TFRC: variants seen among roughly 807,000 people sequenced by gnomAD.
TFRC encodes transferrin receptor, also known as transferrin receptor protein 1.
TFRC carries 35 observed loss-of-function variants against 85.8 expected under a neutral mutation model. The observed-to-expected ratio is 0.41, with a 90% CI of 0.31 to 0.54. The LOEUF is 0.54. Among genes scored for constraint, TFRC ranks in the 20% least tolerant of loss-of-function variants. The probability of loss-of-function intolerance (pLI) is 0.31; values close to 1 mark genes in which losing one functional copy is unlikely to be tolerated. For synonymous variants in TFRC, 362 were observed against 328.6 expected (o/e 1.10, Z -1.10); for missense variants, 828 against 921.5 (o/e 0.90, Z 1.31).
chr3:196,057,739 C>T (rs1281510198), intron 16 of TFRC, among the ~76,000 whole-genome samples: 1 of 149,636 alleles, frequency 6.7e-6, no homozygotes, highest in Non-Finnish European at 1.5e-5. Flanking sequence ...CATGATCGGG[C>T]CACTGCACCC....
intron 9 of TFRC, among the ~76,000 whole-genome samples, chr3:196,066,491 T>G (rs1184620702): frequency 6.6e-6 from 1 of 152,170 alleles, no homozygotes; most frequent in Non-Finnish European, 1.5e-5. Flanking sequence ...ATCTAATTCC[T>G]CTGTGTTACC....
intron 10 of TFRC, 23 bp downstream of exon 10, chr3:196,065,420 G>GGGGC (rs1717643048): frequency 2.0e-5 from 1 of 49,324 alleles, no homozygotes; most frequent in Non-Finnish European, 3.0e-5. Flanking sequence ...AGCGGGGCGG[G>GGGGC]GGGGGGGGGG....
intron 4 of TFRC, among the ~76,000 whole-genome samples, chr3:196,073,166 G>A (rs1371325578): frequency 6.6e-6 from 1 of 151,700 alleles, no homozygotes; most frequent in African/African-American, 2.4e-5. Flanking sequence ...GTTGCACTGA[G>A]CTGAAATCGT....
chr3:196,054,444 T>C (rs1228260568), intron 17 of TFRC, among the ~76,000 whole-genome samples: 2 of 152,048 alleles, frequency 1.3e-5, no homozygotes, highest in Non-Finnish European at 2.9e-5. Context: ...AAAAAAGATA[T>C]AAAAAGATTC....
chr3:196,064,326 G>A lies in TFRC; in HGVS notation c.1301C>T (p.Ser434Leu). Residue 434 changes from serine to leucine, a missense_variant, in exon 11 of 19, where the codon TCA (serine) becomes TTA (leucine). Transcript: ENST00000360110. ...TACTCTACCTTTTAAGACCATATCT[G>A]AGAACATCTGGGCAAGTTTCAATAG... ...ALLLKLAQMF[S>L]DMVLKDGFQP... 6.2e-7 allele frequency: 1 copy of A among 1,612,132 alleles called. No individual in the cohort carries two copies. The highest frequency in any genetic ancestry group is 8.5e-7 in the Non-Finnish European group (1 of 1,179,472).
chr3:196,049,494 G>A lies in TFRC; in HGVS notation c.*2448C>T, dbSNP rs1560060276. 4.6e-6 allele frequency: 1 copy of A among 219,388 alleles called. No individual in the cohort carries two copies. Among genetic ancestry groups the A allele is most frequent in the South Asian group, 1.8e-4 (1 of 5,432 alleles). The allele number at this position is 219,388 out of a possible 1,614,324, so 13.6% of individuals were successfully genotyped here. A position where few individuals can be genotyped will look rare whatever the true frequency, so the allele number is the denominator to read the frequency against. ...TTCATTTTATCCTTTACCTCCAAAAGGCCCATCTCCTTAACGAGAAGACAT... is the reference window on the plus strand; with the variant it reads ...TTCATTTTATCCTTTACCTCCAAAAAGCCCATCTCCTTAACGAGAAGACAT... On this transcript the variant is annotated 3_prime_UTR_variant, in exon 19 of 19. Transcript: ENST00000360110.
At position 196,051,908 on chromosome 3, in the gene TFRC, C is replaced by A; in HGVS notation, c.*34G>T. Reference sequence around the variant, plus strand: ...AGCACAAGTCTAGAAACCAGACTACCCTGCTGTTCTCATGGAAGCTATGGG... The same window carrying A: ...AGCACAAGTCTAGAAACCAGACTACACTGCTGTTCTCATGGAAGCTATGGG... On this transcript the variant is annotated 3_prime_UTR_variant, in exon 19 of 19. Coordinates refer to ENST00000360110, the MANE Select transcript of TFRC (RefSeq NM_001128148.3). 1 of 1,605,500 alleles carries A rather than the reference C, an allele frequency of 6.2e-7. No homozygotes were observed. Among genetic ancestry groups the A allele is most frequent in the Middle Eastern group, 1.7e-4 (1 of 6,022 alleles).
At chr3:196,052,906 A>C in intron 18 of TFRC, among the ~76,000 whole-genome samples, 1 of 152,166 alleles carries the variant, frequency 6.6e-6, no homozygotes, top group South Asian at 2.1e-4. Flanking sequence ...TGAGGTTGGG[A>C]GTTCGAGACC....
chr3:196,059,381 C>T (rs1197070855), intron 14 of TFRC, among the ~76,000 whole-genome samples: 1 of 152,114 alleles, frequency 6.6e-6, no homozygotes, highest in Non-Finnish European at 1.5e-5. Flanking sequence ...TGTAAAAGCC[C>T]TCTCTGGGCT....
At chr3:196,069,021 C>T (rs1577241373) in intron 7 of TFRC, among the ~76,000 whole-genome samples, 1 of 151,896 alleles carries the variant, frequency 6.6e-6, no homozygotes, top group Non-Finnish European at 1.5e-5. Flanking sequence ...TGGAGTGGCA[C>T]GAGTCACATC....
intron 18 of TFRC, 73 bp downstream of exon 18, chr3:196,053,345 C>G: frequency 6.4e-7 from 1 of 1,554,980 alleles, no homozygotes; most frequent in Non-Finnish European, 8.9e-7. Context: ...AGTTTGTCCA[C>G]TTTGCAGAAG....
chr3:196,073,046 A>AAACAAACAAAC (rs71621207), intron 4 of TFRC, among the ~76,000 whole-genome samples: 4,640 of 128,464 alleles, frequency 0.036, 123 homozygotes, highest in South Asian at 0.11. Context: ...CAAAAAAAAA[A>AAACAAACAAAC]AAAAAAAAAA....
Position 196,062,616 on chromosome 3 carries a change from A to C in TFRC, c.1434T>G (p.Ala478=). Residue 478 remains alanine, a synonymous_variant, in exon 13 of 19, where the codon GCT becomes GCG. Transcript: ENST00000360110. ...CTTTATCCAGATTAATATAAGTGAA[A>C]GCCTTTAAATGCAGGGACGAAAGGT... ...EGYLSSLHLK[A]FTYINLDKAV... The C allele has an allele frequency of 1.2e-6, 2 of 1,609,718 alleles. No homozygotes were observed. Among genetic ancestry groups the C allele is most frequent in the Non-Finnish European group, 1.7e-6 (2 of 1,178,788 alleles).
chr3:196,055,244 T>C lies in TFRC; in HGVS notation c.1735A>G (p.Arg579Gly), dbSNP rs1441251258. 2.5e-6 allele frequency: 4 copies of C among 1,614,218 alleles called. No homozygotes were observed. The highest frequency in any genetic ancestry group is 2.2e-5 in the South Asian group (2 of 91,084). The stretch of plus-strand genomic sequence containing the variant: ...GCCACTTTGTTCAACTCAGGAATCC[T>C]CTCAATCAGTTCCTTATAGGTGTCC... ...TMDTYKELIE[R>G]IPELNKVARA... is the part of the protein sequence containing the mutation. The change falls in exon 17 of 19, where the codon AGG becomes GGG. Residue 579 changes from arginine (R) to glycine (G), a missense_variant. By Grantham distance (125) the Arg-to-Gly change is moderately radical. Coordinates refer to ENST00000360110, the MANE Select transcript of TFRC (RefSeq NM_001128148.3).
At chr3:196,062,829 T>C in intron 12 of TFRC, 25 bp downstream of exon 12, 4 of 1,610,854 alleles carry the variant, frequency 2.5e-6, no homozygotes, top group African/African-American at 1.3e-5. Flanking sequence ...TCGTGTCCAA[T>C]ATGGGAAGGG....
Position 196,068,056 on chromosome 3 carries a change from G to C in TFRC, c.876C>G (p.Asn292Lys). Residue 292 changes from asparagine to lysine, a missense_variant, in exon 8 of 19, where the codon AAC becomes AAG. Asn to Lys is a moderately conservative substitution (Grantham distance 94). Coordinates refer to ENST00000360110, the MANE Select transcript of TFRC (RefSeq NM_001128148.3). ...YMDQTKFPIV[N>K]AELSFFGHAH... ...CATGTCCAAAGAATGAAAGTTCTGC[G>C]TTAACAATGGGAAATTTAGTCTGGT... 2.5e-6 allele frequency: 4 copies of C among 1,613,008 alleles called. No individual in the cohort carries two copies. The highest frequency in any genetic ancestry group is 3.4e-6 in the Non-Finnish European group (4 of 1,179,668).
rs1170967307 is a variant in TFRC at position 196,082,065 on chromosome 3, G to T, written c.-46C>A. ...CACACTAGCGCGTCCTCCGTCCCGA[G>T]CCGCCACCCGATATCCCGACGCTCT... On this transcript the variant is annotated 5_prime_UTR_variant, in exon 1 of 19. Transcript: ENST00000360110. The T allele has an allele frequency of 6.5e-6, 1 of 153,352 alleles. No individual in the cohort carries two copies. The highest frequency in any genetic ancestry group is 1.5e-5 in the Non-Finnish European group (1 of 68,800). 9.5% of individuals were successfully genotyped at this position (153,352 alleles called of 1,614,324 possible). A position where few individuals can be genotyped will look rare whatever the true frequency, so the allele number is the denominator to read the frequency against.
intron 6 of TFRC, among the ~76,000 whole-genome samples, chr3:196,070,484 CTTAGGTGAT>C (rs1485910402): frequency 6.6e-6 from 1 of 152,036 alleles, no homozygotes; most frequent in Non-Finnish European, 1.5e-5. Flanking sequence ...TAGCTCTGAC[CTTAGGTGAT>C]CCACCCACCT....
chr3:196,057,488 CCTT>C (rs1716897362), intron 16 of TFRC, among the ~76,000 whole-genome samples: 1 of 152,184 alleles, frequency 6.6e-6, no homozygotes, highest in African/African-American at 2.4e-5. Context: ...TAAAGCCCTT[CCTT>C]CTTTAACTCG....
Sources: allele counts gnomAD v4.1 joint callset (sites outside exome capture counted in the v4.1 genomes callset), GRCh38; gene constraint gnomAD v4.1.1; transcripts MANE v1.5; gene names NCBI Gene and HGNC (gene_info 2026-07-23, HGNC 2026-07-21).